Variants in C8A observed in about 807,000 individuals in gnomAD.
The protein encoded by C8A is complement component C8 alpha chain.
A neutral mutation model predicts 65.3 loss-of-function variants in C8A; 67 were observed. That is an observed-to-expected ratio of 1.03 (90% CI 0.84 to 1.26). The LOEUF is 1.26. Ranked by LOEUF, C8A falls within the 50% of genes most tolerant of loss-of-function variation. The probability of loss-of-function intolerance (pLI) is 0.00; values close to 1 mark genes in which losing one functional copy is unlikely to be tolerated. For missense variants in C8A, 781 were observed against 723.9 expected, an observed-to-expected ratio of 1.08 and a Z score of -0.90; for synonymous variants, 290 against 259.4, an observed-to-expected ratio of 1.12 and a Z score of -1.13.
At chr1:56,912,899 G>C (rs1472199075) in intron 10 of C8A, among the ~76,000 whole-genome samples, 1 of 152,142 alleles carries the variant, frequency 6.6e-6, no homozygotes, top group East Asian at 1.9e-4. Flanking sequence ...TAGTTTCCTA[G>C]GGCTACCATA....
chr1:56,886,428 A>G (rs1644301057), intron 7 of C8A, among the ~76,000 whole-genome samples: 1 of 152,228 alleles, frequency 6.6e-6, no homozygotes, highest in South Asian at 2.1e-4. Flanking sequence ...CATCATAGTT[A>G]CTTTTATTTA....
chr1:56,896,446 T>G (rs1342538096), intron 7 of C8A, among the ~76,000 whole-genome samples: 1 of 152,138 alleles, frequency 6.6e-6, no homozygotes, highest in Admixed American at 6.5e-5. Flanking sequence ...CCATTCAACA[T>G]TTCCTGTCCA....
In C8A at chr1:56,881,557, A is replaced by AC; in HGVS notation, c.579dup (p.Cys194LeufsTer2). 1 of 1,613,824 alleles carries AC rather than the reference A, an allele frequency of 6.2e-7. No homozygotes were observed. The highest frequency in any genetic ancestry group is 8.5e-7 in the Non-Finnish European group (1 of 1,179,794). On this transcript the variant is annotated frameshift_variant, in exon 5 of 11. Transcript: ENST00000361249. LOFTEE classifies it high-confidence loss of function. ...ATGGAGGGAGCTTCGATATGACTCC[A>AC]CCTGTGAACGTCTCTACTATGGAGA...
intron 6 of C8A, among the ~76,000 whole-genome samples, chr1:56,885,597 C>G (rs1379743045): frequency 7.0e-6 from 1 of 142,752 alleles, no homozygotes; most frequent in Non-Finnish European, 1.5e-5. Context: ...GAGTCTTGCT[C>G]TATTGCCAGG....
At chr1:56,860,454 C>A (rs1644022418) in intron 1 of C8A, among the ~76,000 whole-genome samples, 1 of 152,030 alleles carries the variant, frequency 6.6e-6, no homozygotes, top group Non-Finnish European at 1.5e-5. Context: ...AACACAAAAA[C>A]AAATATCACT....
chr1:56,855,359 C>T (rs906110034), intron 1 of C8A, among the ~76,000 whole-genome samples: 1 of 152,104 alleles, frequency 6.6e-6, no homozygotes, highest in African/African-American at 2.4e-5. Flanking sequence ...TGACAGTTCT[C>T]CTGAGTGGTG....
At position 56,875,087 on chromosome 1, in the gene C8A, G is replaced by A. The variant is rs773423532; in HGVS notation, c.310G>A (p.Glu104Lys). 4 of 1,613,474 alleles carry A rather than the reference G, an allele frequency of 2.5e-6. No homozygotes were observed. Among genetic ancestry groups the A allele is most frequent in the Non-Finnish European group, 3.4e-6 (4 of 1,179,692 alleles). Residue 104 changes from glutamate to lysine, a missense_variant, in exon 3 of 11, where the codon GAG (glutamate) becomes AAG (lysine). Glu to Lys is a moderately conservative substitution (Grantham distance 56, BLOSUM62 1). Coordinates refer to ENST00000361249, the MANE Select transcript of C8A (RefSeq NM_000562.3). ...GTGTGGACAGGATTTCCAGTGTAAG[G>A]AGACAGGTGAGTAGCATTTCAGCAG... ...AQCGQDFQCK[E>K]TGRCLKRHLV...
intron 1 of C8A, 28 bp downstream of exon 1, chr1:56,855,006 C>A: frequency 6.4e-7 from 1 of 1,563,206 alleles, no homozygotes; most frequent in African/African-American, 1.4e-5. Context: ...CTCTGCAAAA[C>A]TTGCACGTAG....
At position 56,876,068 on chromosome 1, in the gene C8A, G is replaced by T; in HGVS notation, c.323G>T (p.Cys108Phe). The change falls in exon 4 of 11, where the codon TGC (cysteine) becomes TTC (phenylalanine). Residue 108 changes from cysteine to phenylalanine, a missense_variant. Physicochemically the swap from Cys to Phe is radical, Grantham distance 205. Coordinates refer to ENST00000361249, the MANE Select transcript of C8A (RefSeq NM_000562.3). Reference sequence around the variant, plus strand: ...CACAGTCTCTTCTCTCCAGGTCGCTGCCTGAAACGCCACCTTGTGTGTAAT... The same window carrying T: ...CACAGTCTCTTCTCTCCAGGTCGCTTCCTGAAACGCCACCTTGTGTGTAAT... ...QDFQCKETGRCLKRHLVCNGD... is the reference protein window; with the variant it reads ...QDFQCKETGRFLKRHLVCNGD... The T allele has an allele frequency of 1.2e-6, 2 of 1,613,584 alleles. No individual in the cohort carries two copies. Among genetic ancestry groups the T allele is most frequent in the Non-Finnish European group, 1.7e-6 (2 of 1,179,792 alleles).
chr1:56,881,519 T>C lies in C8A; in HGVS notation c.539T>C (p.Val180Ala), dbSNP rs147876509. Residue 180 changes from valine to alanine, a missense_variant, in exon 5 of 11, where the codon GTA becomes GCA. Transcript: ENST00000361249. ...ASYYGGQCETVYNGEWRELRY... is the reference protein window; with the variant it reads ...ASYYGGQCETAYNGEWRELRY... ...TATTATGGGGGCCAGTGTGAGACGG[T>C]ATACAATGGGGAATGGAGGGAGCTT... 15 of 1,613,602 alleles carry C rather than the reference T, an allele frequency of 9.3e-6. No individual in the cohort carries two copies. The highest frequency in any genetic ancestry group is 1.3e-5 in the African/African-American group (1 of 74,852).
At chr1:56,898,322 G>A (rs1419886790) in intron 7 of C8A, among the ~76,000 whole-genome samples, 2 of 152,046 alleles carry the variant, frequency 1.3e-5, no homozygotes, top group Non-Finnish European at 2.9e-5. Context: ...CATGCAAGGT[G>A]AACACTGAAA....
intron 2 of C8A, among the ~76,000 whole-genome samples, chr1:56,868,918 T>G (rs934829835): frequency 7.9e-5 from 12 of 152,232 alleles, no homozygotes; most frequent in Admixed American, 3.3e-4. Context: ...ACCTACTTTC[T>G]AGAATTATTG....
rs145271399 is a variant in C8A, at chr1:56,867,678, T to C, written c.147T>C (p.Asp49=). The C allele has an allele frequency of 1.9e-6, 3 of 1,613,716 alleles. No homozygotes were observed. The highest frequency in any genetic ancestry group is 1.7e-6 in the Non-Finnish European group (2 of 1,179,866). Residue 49 remains aspartate (D), a synonymous_variant, in exon 2 of 11, where the codon GAT becomes GAC. Coordinates refer to ENST00000361249, the MANE Select transcript of C8A (RefSeq NM_000562.3). ...CQLSNWSEWT[D]CFPCQDKKYR... Reference sequence around the variant, plus strand: ...TGAGCAACTGGTCAGAGTGGACAGATTGCTTTCCGTGCCAGGACAAAAAGG... The same window carrying C: ...TGAGCAACTGGTCAGAGTGGACAGACTGCTTTCCGTGCCAGGACAAAAAGG...
chr1:56,859,249 T>C (rs1203303167), intron 1 of C8A, among the ~76,000 whole-genome samples: 2 of 152,244 alleles, frequency 1.3e-5, no homozygotes, highest in Non-Finnish European at 2.9e-5. Context: ...ACCACAGGGT[T>C]CTTGTGAAAT....
At chr1:56,865,093 C>T (rs1182193197) in intron 1 of C8A, among the ~76,000 whole-genome samples, 2 of 152,150 alleles carry the variant, frequency 1.3e-5, no homozygotes, top group Non-Finnish European at 2.9e-5. Flanking sequence ...AACCTCAATC[C>T]TTGAATAGAT....
In C8A at chr1:56,906,910, T is replaced by C. The variant is rs1570351233; in HGVS notation, c.1222+118T>C. The C allele has an allele frequency of 8.8e-6, 11 of 1,256,458 alleles. No individual in the cohort carries two copies. In the East Asian group the frequency reaches 2.6e-4, roughly 30 times the overall value. The allele number at this position is 1,256,458 out of a possible 1,614,324, so 77.8% of individuals were successfully genotyped here. On this transcript the variant is annotated intron_variant, in intron 8 of 10. Transcript: ENST00000361249. ...ATTGCATTTTAGTCAATGATCAGAC[T>C]GCATAGACGCTAAATACCCCAAAAC...
At chr1:56,870,937 A>T (rs374390064) in intron 2 of C8A, among the ~76,000 whole-genome samples, 23 of 152,312 alleles carry the variant, frequency 1.5e-4, no homozygotes, top group Admixed American at 6.5e-4. Flanking sequence ...AAAGAAAATT[A>T]TGTCTTAATG....
intron 10 of C8A, among the ~76,000 whole-genome samples, chr1:56,916,157 G>A (rs969706570): frequency 1.3e-5 from 2 of 152,174 alleles, no homozygotes; most frequent in African/African-American, 4.8e-5. Flanking sequence ...CAGAGAAGGT[G>A]TGGGCATTAC....
At chr1:56,915,907 A>G (rs1297129836) in intron 10 of C8A, among the ~76,000 whole-genome samples, 1 of 152,200 alleles carries the variant, frequency 6.6e-6, no homozygotes, top group African/African-American at 2.4e-5. Flanking sequence ...AAAGTGGGGT[A>G]TGTACCAGTT....
Sources: allele counts gnomAD v4.1 joint callset (sites outside exome capture counted in the v4.1 genomes callset), GRCh38; gene constraint gnomAD v4.1.1; transcripts MANE v1.5; gene names NCBI Gene and HGNC (gene_info 2026-07-23, HGNC 2026-07-21).